The following MDGA1 variants were observed in gnomAD, a reference collection of about 807,000 sequenced individuals.
MDGA1 encodes the protein MAM domain containing glycosylphosphatidylinositol anchor 1.
MDGA1 carries 54 observed loss-of-function variants against 101.5 expected under a neutral mutation model. The observed-to-expected ratio is 0.53, with a 90% confidence interval of 0.43 to 0.67. MDGA1 has a LOEUF of 0.67. Among genes scored for constraint, MDGA1 ranks in the 30% least tolerant of loss-of-function variants. The pLI, the probability that MDGA1 is intolerant of heterozygous loss-of-function variation, is 0.00. For synonymous variants in MDGA1, 533 were observed against 558.3 expected (o/e 0.95, Z 0.64); for missense variants, 1,083 against 1,323.8 (o/e 0.82, Z 2.82).
intron 6 of MDGA1, among the ~76,000 whole-genome samples, chr6:37,654,031 G>A (rs1441926692): frequency 6.6e-6 from 1 of 152,110 alleles, no homozygotes; most frequent in Non-Finnish European, 1.5e-5. Flanking sequence ...GGATTGTTGA[G>A]GTTACATTTG....
intron 1 of MDGA1, among the ~76,000 whole-genome samples, chr6:37,676,534 C>A (rs770311097): frequency 3.3e-5 from 5 of 152,196 alleles, no homozygotes; most frequent in Non-Finnish European, 7.3e-5. Context: ...ATCTGGGGAC[C>A]CTGAGCCCTC....
In MDGA1 at chr6:37,654,785, G is replaced by A. The variant is rs751849577; in HGVS notation, c.712+15C>T. ...CTCAGGTAGGGAAGGAGTATGGGGA[G>A]GAAAATGCCTGTACCCGTGGTGTTG... On this transcript the variant is annotated intron_variant, in intron 5 of 16. Coordinates refer to ENST00000434837, the MANE Select transcript of MDGA1 (RefSeq NM_153487.4). 9.3e-6 allele frequency: 15 copies of A among 1,613,482 alleles called. No individual in the cohort carries two copies. The highest frequency in any genetic ancestry group is 1.3e-5 in the Non-Finnish European group (15 of 1,179,736).
Position 37,668,250 on chromosome 6 carries a change from A to T in MDGA1, c.68-4144T>A, listed in dbSNP as rs547125106. On this transcript the variant is annotated intron_variant, in intron 1 of 16. Coordinates refer to ENST00000434837, the MANE Select transcript of MDGA1 (RefSeq NM_153487.4). ...TGGGCAACAGAGTGAGATTCTGTCTAAAAAAAAAAAAAAAGGTGATCCAGC... is the reference window on the plus strand; with the variant it reads ...TGGGCAACAGAGTGAGATTCTGTCTTAAAAAAAAAAAAAAGGTGATCCAGC... Among the ~76,000 whole-genome samples the T allele has an allele frequency of 8.9e-5, 5 of 56,126 alleles. No individual in the cohort carries two copies. In the East Asian group the frequency reaches 1.0e-3, roughly 11 times the overall value. The allele number at this position is 56,126 out of a possible 152,430, so 36.8% of individuals were successfully genotyped here.
chr6:37,639,072 A>C (rs1310989633), intron 14 of MDGA1: 1 of 197,366 alleles, frequency 5.1e-6, no homozygotes, highest in Non-Finnish European at 1.1e-5. Flanking sequence ...TGTTGGCAGT[A>C]CATGACTTGT....
intron 1 of MDGA1, among the ~76,000 whole-genome samples, chr6:37,684,334 C>G (rs572709839): frequency 6.6e-6 from 1 of 152,292 alleles, no homozygotes; most frequent in East Asian, 1.9e-4. Context: ...CCAATAAGGG[C>G]CTCTAACATC....
chr6:37,696,673 C>T lies in MDGA1; in HGVS notation c.67+72G>A. ...CGAGGTCTCCACCAAACCCCGGCAG[C>T]GCGCACTTTGCGCCTCTTGCAAAGT... On this transcript the variant is annotated intron_variant, in intron 1 of 16. Transcript: ENST00000434837. The surrounding 1 kb of genome is among the most constrained non-coding windows in gnomAD (Gnocchi z 5.6). 1.4e-6 allele frequency: 2 copies of T among 1,425,370 alleles called. No individual in the cohort carries two copies. The highest frequency in any genetic ancestry group is 1.4e-5 in the African/African-American group (1 of 70,838). 88.3% of individuals were successfully genotyped at this position (1,425,370 alleles called of 1,614,324 possible).
intron 1 of MDGA1, among the ~76,000 whole-genome samples, chr6:37,666,360 A>C (rs1327772017): frequency 7.2e-5 from 5 of 69,758 alleles, no homozygotes; most frequent in African/African-American, 4.6e-4. Flanking sequence ...ACTCCGTCTC[A>C]AAAAAAAAAA....
chr6:37,684,636 GT>G (rs1268794232), intron 1 of MDGA1, among the ~76,000 whole-genome samples: 1 of 152,142 alleles, frequency 6.6e-6, no homozygotes, highest in African/African-American at 2.4e-5. Flanking sequence ...TGCGGTCTCA[GT>G]TTCTTCCTGC....
chr6:37,638,159 C>T lies in MDGA1; in HGVS notation c.2776+46G>A, dbSNP rs1169329020. ...AACAGACAGGAACCCCCGCCACGCA[C>T]AGCTCCCTCCAGATTCAGCTCCCCC... On this transcript the variant is annotated intron_variant, in intron 16 of 16. Transcript: ENST00000434837. The surrounding 1 kb of genome is among the most constrained non-coding windows in gnomAD (Gnocchi z 4.8). 13 of 1,534,632 alleles carry T rather than the reference C, an allele frequency of 8.5e-6. No homozygotes were observed. The East Asian group carries it at 2.9e-4, about 35-fold the overall frequency.
intron 14 of MDGA1, chr6:37,643,494 ACTC>A: frequency 3.9e-6 from 1 of 253,374 alleles, no homozygotes; most frequent in Non-Finnish European, 7.5e-6. Flanking sequence ...CTTGTCTTGA[ACTC>A]CTGACCTCAG....
At chr6:37,690,256 T>G (rs1278846881) in intron 1 of MDGA1, among the ~76,000 whole-genome samples, 2 of 152,112 alleles carry the variant, frequency 1.3e-5, no homozygotes, top group African/African-American at 4.8e-5. Flanking sequence ...CAGCACGGCC[T>G]CCTCCCACAC....
rs779775798 is a variant in MDGA1, at chr6:37,649,089, TCCGGCGCC to T, written c.1779_1786del (p.Ala594SerfsTer122). On this transcript the variant is annotated frameshift_variant, in exon 9 of 17. Coordinates refer to ENST00000434837, the MANE Select transcript of MDGA1 (RefSeq NM_153487.4). LOFTEE classifies it high-confidence loss of function. Reference sequence around the variant, plus strand: ...GGCGTCGAGGCGCAGCTCCGCGTGATCCGGCGCCTCGGCGGCGGCGGGAACAACAGGCG... The same window carrying T: ...GGCGTCGAGGCGCAGCTCCGCGTGATTCGGCGGCGGCGGGAACAACAGGCG... The T allele has an allele frequency of 6.6e-7, 1 of 1,526,694 alleles. No homozygotes were observed. The highest frequency in any genetic ancestry group is 8.8e-7 in the Non-Finnish European group (1 of 1,138,504). The allele number at this position is 1,526,694 out of a possible 1,614,324, so 94.6% of individuals were successfully genotyped here.
At chr6:37,686,168 G>T (rs1762192826) in intron 1 of MDGA1, among the ~76,000 whole-genome samples, 1 of 152,088 alleles carries the variant, frequency 6.6e-6, no homozygotes, top group African/African-American at 2.4e-5. Flanking sequence ...TCACTGCAGG[G>T]TGTTTCTGGG....
In MDGA1 at chr6:37,652,252, G is replaced by A. The variant is rs1480119093; in HGVS notation, c.1071C>T (p.Cys357=). The A allele has an allele frequency of 5.0e-6, 8 of 1,613,996 alleles. No individual in the cohort carries two copies. The South Asian group carries it at 8.8e-5, about 18-fold the overall frequency. The change falls in exon 7 of 17, where the codon TGC becomes TGT. Residue 357 remains cysteine (C), a synonymous_variant. Coordinates refer to ENST00000434837, the MANE Select transcript of MDGA1 (RefSeq NM_153487.4). The surrounding 1 kb of genome is among the most constrained non-coding windows in gnomAD (Gnocchi z 4.3). ...IQLGQDLKLS[C]HVDAVPQEKV... is the part of the protein sequence containing the mutation. ...TCTCCTGGGGCACTGCATCCACGTG[G>A]CACGATAGCTTCAGGTCCTGGCCCA... is the stretch of plus-strand genomic sequence containing the variant.
chr6:37,675,942 G>T (rs752655275), intron 1 of MDGA1, among the ~76,000 whole-genome samples: 7 of 152,188 alleles, frequency 4.6e-5, no homozygotes, highest in Non-Finnish European at 7.3e-5. Flanking sequence ...AGTAATTTCT[G>T]GGTGACTTGA....
At position 37,658,285 on chromosome 6, in the gene MDGA1, C is replaced by G; in HGVS notation, c.342G>C (p.Val114=). The G allele has an allele frequency of 6.2e-7, 1 of 1,610,110 alleles. No homozygotes were observed. The highest frequency in any genetic ancestry group is 1.7e-4 in the Middle Eastern group (1 of 6,050). ...GGATGGACTTGATGGCCGGCACCCC[C>G]ACGCCGTTCTCAGCCTTGCAGTAGT... is the stretch of plus-strand genomic sequence containing the variant. ...GRYYCKAENG[V]GVPAIKSIRV... Residue 114 remains valine (V), a synonymous_variant, in exon 3 of 17, where the codon GTG becomes GTC. Transcript: ENST00000434837.
chr6:37,634,609 C>T lies in MDGA1; in HGVS notation c.*2759G>A, dbSNP rs1763886969. 1 of 152,888 alleles carries T rather than the reference C, an allele frequency of 6.5e-6. No homozygotes were observed. Among genetic ancestry groups the T allele is most frequent in the South Asian group, 2.1e-4 (1 of 4,860 alleles). The allele number at this position is 152,888 out of a possible 1,614,324, so 9.5% of individuals were successfully genotyped here. A position where few individuals can be genotyped will look rare whatever the true frequency, so the allele number is the denominator to read the frequency against. On this transcript the variant is annotated 3_prime_UTR_variant, in exon 17 of 17. Coordinates refer to ENST00000434837, the MANE Select transcript of MDGA1 (RefSeq NM_153487.4). This position sits in a 1 kb window ranked among gnomAD's most constrained non-coding sequence, Gnocchi z 4.7. Reference sequence around the variant, plus strand: ...CACTGACACCCACATCCCCCACCCACCTGCTGGCACACACAGACATCCACA... The same window carrying T: ...CACTGACACCCACATCCCCCACCCATCTGCTGGCACACACAGACATCCACA...
chr6:37,654,768 G>A, intron 5 of MDGA1, 32 bp downstream of exon 5: 1 of 1,612,810 alleles, frequency 6.2e-7, no homozygotes, highest in Non-Finnish European at 8.5e-7. Flanking sequence ...AGCTCAGGTA[G>A]GGAAGGAGTA....
intron 2 of MDGA1, among the ~76,000 whole-genome samples, chr6:37,660,860 T>C (rs1429682910): frequency 1.3e-5 from 2 of 152,212 alleles, no homozygotes; most frequent in Non-Finnish European, 2.9e-5. Flanking sequence ...ACTTGGACTT[T>C]TATGGTCCTG....
Sources: gnomAD v4.1 joint callset for allele counts (sites outside exome capture counted in the v4.1 genomes callset) on GRCh38, gnomAD v4.1.1 for gene constraint, Gnocchi (gnomAD v3.1) non-coding constraint, MANE v1.5 for transcripts, NCBI Gene and HGNC (gene_info 2026-07-23, HGNC 2026-07-21) for gene names.